TFRC: variants seen among roughly 807,000 people sequenced by gnomAD.
TFRC encodes the protein transferrin receptor protein 1.
In TFRC, 35 loss-of-function variants were observed where a neutral mutation model predicts 85.8. The ratio of observed to expected loss-of-function variants is 0.41; its 90% CI spans 0.31 to 0.54. The LOEUF is 0.54. TFRC is among the 20% of genes least tolerant of loss of function. TFRC has a pLI of 0.31. For missense variants in TFRC, 828 were observed against 921.5 expected, an observed-to-expected ratio of 0.90 and a Z score of 1.31; for synonymous variants, 362 against 328.6, an observed-to-expected ratio of 1.10 and a Z score of -1.10.
At chr3:196,078,646 A>G (rs2638903) in intron 1 of TFRC, among the ~76,000 whole-genome samples, 143,843 of 151,874 alleles carry the variant, frequency 0.95, 68,278 homozygotes, top group East Asian at 1. Flanking sequence ...GACGGAGTGA[A>G]ACTCCATCTC....
intron 7 of TFRC, 86 bp downstream of exon 7, chr3:196,069,369 G>A: frequency 1.3e-6 from 1 of 782,168 alleles, no homozygotes; most frequent in Non-Finnish European, 2.1e-6. Flanking sequence ...TTTTCAGAAT[G>A]TAAGAATATT....
chr3:196,074,148 C>CT, intron 3 of TFRC, 23 bp from the exon 4 acceptor site: 6 of 1,586,760 alleles, frequency 3.8e-6, no homozygotes, highest in Non-Finnish European at 5.2e-6. Context: ...AGTTCCAGAG[C>CT]TGAACTCAGA....
At chr3:196,060,079 A>AT in intron 14 of TFRC, 101 bp downstream of exon 14, 2 of 902,874 alleles carry the variant, frequency 2.2e-6, no homozygotes, top group Non-Finnish European at 3.4e-6. Flanking sequence ...CTCAATTCCT[A>AT]TTTTTTGTTA....
intron 9 of TFRC, among the ~76,000 whole-genome samples, chr3:196,066,037 T>TA (rs1717713035): frequency 6.6e-6 from 1 of 151,716 alleles, no homozygotes; most frequent in Non-Finnish European, 1.5e-5. Flanking sequence ...AAAAAAAACT[T>TA]ACTCTCTAGT....
chr3:196,065,262 CAA>C (rs55922619), intron 10 of TFRC, among the ~76,000 whole-genome samples, 179 bp downstream of exon 10: 157 of 136,162 alleles, frequency 1.2e-3, no homozygotes, highest in Non-Finnish European at 1.2e-3. Flanking sequence ...AACTCTTTCT[CAA>C]AAAAAAAAAA....
At chr3:196,058,865 A>G in intron 14 of TFRC, 1 of 285,120 alleles carries the variant, frequency 3.5e-6, no homozygotes, top group Non-Finnish European at 6.6e-6. Flanking sequence ...TTCTTAATTA[A>G]CATTTTAAAA....
intron 1 of TFRC, 47 bp from the exon 2 acceptor site, chr3:196,077,169 G>C (rs924567384): frequency 7.3e-7 from 1 of 1,361,390 alleles, no homozygotes; most frequent in African/African-American, 1.4e-5. Flanking sequence ...TACTGTATCA[G>C]ATTAGTGAGC....
rs773467959 is a variant in TFRC at position 196,065,526 on chromosome 3, T to C, written c.1115A>G (p.Asn372Ser). ...CACATTGCTCACAGTGAGCTTCACA[T>C]TCTTGCTTTCTGAGGTTACCATCCT... The part of the protein sequence containing the change: ...TCRMVTSESK[N>S]VKLTVSNVLK... The change falls in exon 10 of 19, where the codon AAT (asparagine) becomes AGT (serine). Residue 372 changes from asparagine (N) to serine (S), a missense_variant. Coordinates refer to ENST00000360110, the MANE Select transcript of TFRC (RefSeq NM_001128148.3). 2 of 1,607,178 alleles carry C rather than the reference T, an allele frequency of 1.2e-6. No homozygotes were observed. Among genetic ancestry groups the C allele is most frequent in the East Asian group, 2.2e-5 (1 of 44,726 alleles).
chr3:196,078,128 A>C (rs1718863602), intron 1 of TFRC, among the ~76,000 whole-genome samples: 1 of 152,208 alleles, frequency 6.6e-6, no homozygotes, highest in African/African-American at 2.4e-5. Flanking sequence ...CAAAGTCCTA[A>C]GTTAAGTTAA....
At chr3:196,075,463 T>C in intron 2 of TFRC, 103 bp from the exon 3 acceptor site, 2 of 1,126,064 alleles carry the variant, frequency 1.8e-6, no homozygotes, top group East Asian at 2.4e-5. Flanking sequence ...TAACTTGCTA[T>C]ATATTCCTTA....
intron 11 of TFRC, 41 bp downstream of exon 11, chr3:196,064,268 C>G (rs910134053): frequency 1.9e-6 from 3 of 1,587,222 alleles, no homozygotes; most frequent in Non-Finnish European, 2.6e-6. Flanking sequence ...GAACTGTATG[C>G]AGTGCACCAA....
At chr3:196,063,510 A>G (rs1717455527) in intron 11 of TFRC, 1 of 152,740 alleles carries the variant, frequency 6.5e-6, no homozygotes, top group African/African-American at 2.4e-5. Context: ...CCATTAATGT[A>G]CTCTGTATTA....
intron 2 of TFRC, among the ~76,000 whole-genome samples, chr3:196,075,856 T>C (rs148030894): frequency 8.4e-4 from 125 of 149,208 alleles, no homozygotes; most frequent in African/African-American, 2.9e-3. Flanking sequence ...CCAGACACAG[T>C]GGCTCATGCC....
rs896830139 is a variant in TFRC at position 196,049,855 on chromosome 3, T to C, written c.*2087A>G. On this transcript the variant is annotated 3_prime_UTR_variant, in exon 19 of 19. Transcript: ENST00000360110. Reference sequence around the variant, plus strand: ...GACTGTGAGTAGTGACACATTCAAGTGAGGCTGTAAATCTAGGTAAGTGAC... The same window carrying C: ...GACTGTGAGTAGTGACACATTCAAGCGAGGCTGTAAATCTAGGTAAGTGAC... 14 of 231,106 alleles carry C rather than the reference T, an allele frequency of 6.1e-5. No homozygotes were observed. The highest frequency in any genetic ancestry group is 3.1e-4 in the African/African-American group (14 of 45,246). The allele number at this position is 231,106 out of a possible 1,614,324, so 14.3% of individuals were successfully genotyped here.
rs1280585069 is a variant in TFRC at position 196,074,141 on chromosome 3, T to C, written c.239-16A>G. On this transcript the variant is annotated splice_polypyrimidine_tract_variant and intron_variant, in intron 3 of 18. Coordinates refer to ENST00000360110, the MANE Select transcript of TFRC (RefSeq NM_001128148.3). Reference sequence around the variant, plus strand: ...ATCATAAATCCTAAAGAGACAAAGTTCCAGAGCTGAACTCAGAATTTCATT... The same window carrying C: ...ATCATAAATCCTAAAGAGACAAAGTCCCAGAGCTGAACTCAGAATTTCATT... 1 of 1,599,432 alleles carries C rather than the reference T, an allele frequency of 6.3e-7. No homozygotes were observed. The highest frequency in any genetic ancestry group is 1.7e-5 in the Admixed American group (1 of 58,170).
At chr3:196,075,046 CAAA>C (rs56119775) in intron 3 of TFRC, 110 bp downstream of exon 3, 2,292 of 528,160 alleles carry the variant, frequency 4.3e-3, no homozygotes, top group East Asian at 0.013. Context: ...CCTCTGTCTC[CAAA>C]AAAAAAAAAA....
chr3:196,054,749 G>C (rs1212639121), intron 17 of TFRC, among the ~76,000 whole-genome samples: 2 of 152,262 alleles, frequency 1.3e-5, no homozygotes, highest in East Asian at 3.9e-4. Context: ...TTCCATCCGG[G>C]TCACGCCCGA....
intron 2 of TFRC, 21 bp from the exon 3 acceptor site, chr3:196,075,381 T>A (rs1249264324): frequency 1.2e-6 from 2 of 1,613,364 alleles, no homozygotes; most frequent in South Asian, 2.2e-5. Flanking sequence ...GAAAAAGGCA[T>A]GATGAAGAAC....
chr3:196,059,370 T>G (rs764528415), intron 14 of TFRC, among the ~76,000 whole-genome samples: 12 of 152,280 alleles, frequency 7.9e-5, no homozygotes, highest in Non-Finnish European at 1.8e-4. Context: ...TTACCCACAA[T>G]TGTAAAAGCC....
Sources: allele counts gnomAD v4.1 joint callset (sites outside exome capture counted in the v4.1 genomes callset), GRCh38; gene constraint gnomAD v4.1.1; transcripts MANE v1.5; gene names NCBI Gene and HGNC (gene_info 2026-07-23, HGNC 2026-07-21).